Variants in GATAD2A observed in about 807,000 individuals in gnomAD.
GATAD2A encodes the protein transcriptional repressor p66-alpha.
GATAD2A carries 12 observed loss-of-function variants against 68.5 expected under a neutral mutation model. That is an observed-to-expected ratio of 0.18 (90% CI 0.11 to 0.28). The LOEUF (loss-of-function observed/expected upper bound fraction) is 0.28. Ranked by LOEUF, GATAD2A falls within the 10% of genes least tolerant of loss-of-function variation. The pLI, the probability that GATAD2A is intolerant of heterozygous loss-of-function variation, is 1.00. For synonymous variants in GATAD2A, 410 were observed against 375.3 expected (o/e 1.09, Z -1.07); for missense variants, 755 against 868.5 (o/e 0.87, Z 1.64).
chr19:19,409,858 C>T (rs987785714), intron 1 of GATAD2A, among the ~76,000 whole-genome samples: 2 of 152,244 alleles, frequency 1.3e-5, no homozygotes, highest in East Asian at 1.9e-4. Context: ...GGCTTCTTGC[C>T]CCTCCCCCAC....
intron 2 of GATAD2A, among the ~76,000 whole-genome samples, chr19:19,467,557 AT>A (rs2057970808): frequency 6.6e-6 from 1 of 152,118 alleles, no homozygotes; most frequent in African/African-American, 2.4e-5. Flanking sequence ...GCATTGTGAG[AT>A]TTACCCATAT....
chr19:19,400,748 G>C (rs1297606958), upstream of GATAD2A, among the ~76,000 whole-genome samples: 4 of 151,878 alleles, frequency 2.6e-5, no homozygotes, highest in Admixed American at 2.6e-4. Context: ...ATGGATTTGG[G>C]GTGAAATAAG....
At chr19:19,396,982 A>G (rs933595949) in intron 1 of GATAD2A, among the ~76,000 whole-genome samples, 13 of 152,188 alleles carry the variant, frequency 8.5e-5, no homozygotes, top group Admixed American at 2.6e-4. Context: ...GTGGGATTAC[A>G]GGCGTGAGCC....
chr19:19,475,545 C>T (rs1424927250), intron 2 of GATAD2A, among the ~76,000 whole-genome samples: 1 of 151,588 alleles, frequency 6.6e-6, no homozygotes, highest in Non-Finnish European at 1.5e-5. Flanking sequence ...TGCTGCCTTT[C>T]ACTTGCTAAT....
At chr19:19,432,623 G>A (rs186961225) in intron 1 of GATAD2A, among the ~76,000 whole-genome samples, 23 of 152,322 alleles carry the variant, frequency 1.5e-4, no homozygotes, top group Non-Finnish European at 1.8e-4. Context: ...TTTAAAGGTC[G>A]TTTTCAATTC....
At chr19:19,437,812 C>G (rs546213852) in intron 1 of GATAD2A, among the ~76,000 whole-genome samples, 1 of 152,286 alleles carries the variant, frequency 6.6e-6, no homozygotes, top group South Asian at 2.1e-4. Context: ...TTTTGTTTAT[C>G]CATTCATTCA....
intron 2 of GATAD2A, among the ~76,000 whole-genome samples, chr19:19,475,289 G>A (rs964574179): frequency 3.9e-5 from 6 of 152,232 alleles, no homozygotes; most frequent in African/African-American, 1.4e-4. Context: ...CATGGTTTGT[G>A]GCCCTCACAC....
chr19:19,496,031 CT>C lies in GATAD2A; in HGVS notation c.757-20del, dbSNP rs1363449089. On this transcript the variant is annotated intron_variant, in intron 6 of 11. Transcript: ENST00000683918. ...GTTGATCTCAGTCAGATTTCTTGTT[CT>C]CCCCACCCTACCCCAACAGCAAATC... is the stretch of plus-strand genomic sequence containing the variant. The C allele has an allele frequency of 2.5e-6, 4 of 1,610,028 alleles. No individual in the cohort carries two copies. Among genetic ancestry groups the C allele is most frequent in the Non-Finnish European group, 3.4e-6 (4 of 1,176,938 alleles).
chr19:19,504,761 A>G (rs550253806), intron 11 of GATAD2A, among the ~76,000 whole-genome samples: 143 of 149,004 alleles, frequency 9.6e-4, no homozygotes, highest in Non-Finnish European at 1.8e-3. Flanking sequence ...CAATCCTCCC[A>G]CCTCAGCCTC....
intron 1 of GATAD2A, among the ~76,000 whole-genome samples, chr19:19,410,843 C>G (rs1390105073): frequency 6.6e-6 from 1 of 152,172 alleles, no homozygotes; most frequent in Non-Finnish European, 1.5e-5. Context: ...AACATCACCC[C>G]TGTTTCCCAT....
rs771688876 is a variant in GATAD2A, at chr19:19,505,327, G to A, written c.1775-17G>A. 5.6e-6 allele frequency: 9 copies of A among 1,611,622 alleles called. No homozygotes were observed. The highest frequency in any genetic ancestry group is 2.2e-5 in the East Asian group (1 of 44,706). ...CTGACGAGGGCCTTCTCAGCTGGTCGCTCTGTTCTGTTGCAGGCGGGACCC... is the reference window on the plus strand; with the variant it reads ...CTGACGAGGGCCTTCTCAGCTGGTCACTCTGTTCTGTTGCAGGCGGGACCC... On this transcript the variant is annotated splice_polypyrimidine_tract_variant and intron_variant, in intron 11 of 11. Transcript: ENST00000683918.
intron 1 of GATAD2A, among the ~76,000 whole-genome samples, chr19:19,421,446 T>C (rs971891536): frequency 1.3e-5 from 2 of 152,174 alleles, no homozygotes; most frequent in African/African-American, 2.4e-5. Context: ...TTGGGTTGTC[T>C]AGGCAGCGCT....
intron 2 of GATAD2A, among the ~76,000 whole-genome samples, chr19:19,470,897 A>G (rs1047157712): frequency 1.3e-5 from 2 of 152,228 alleles, no homozygotes; most frequent in African/African-American, 2.4e-5. Context: ...AATTTATCCA[A>G]GAGAAATGAA....
intron 1 of GATAD2A, among the ~76,000 whole-genome samples, chr19:19,410,789 G>A (rs1296002802): frequency 6.6e-6 from 1 of 152,146 alleles, no homozygotes; most frequent in African/African-American, 2.4e-5. Flanking sequence ...AAGACAGCCT[G>A]GTGTGAGCTC....
At chr19:19,419,808 G>C (rs556509822) in intron 1 of GATAD2A, among the ~76,000 whole-genome samples, 1 of 152,006 alleles carries the variant, frequency 6.6e-6, no homozygotes, top group South Asian at 2.1e-4. Context: ...TCACCGCCCT[G>C]GATGATGCCT....
intron 1 of GATAD2A, among the ~76,000 whole-genome samples, chr19:19,438,017 C>T (rs1382232568): frequency 6.6e-6 from 1 of 152,174 alleles, no homozygotes; most frequent in Non-Finnish European, 1.5e-5. Flanking sequence ...ATCCATGGCG[C>T]CTGCACTATT....
intron 2 of GATAD2A, among the ~76,000 whole-genome samples, chr19:19,485,601 A>G (rs2059380014): frequency 6.6e-6 from 1 of 152,192 alleles, no homozygotes. Flanking sequence ...CAGAAGCTGC[A>G]AGGCTTCTGT....
At chr19:19,459,638 C>G (rs562856400) in intron 1 of GATAD2A, among the ~76,000 whole-genome samples, 1 of 152,320 alleles carries the variant, frequency 6.6e-6, no homozygotes, top group African/African-American at 2.4e-5. Context: ...ATAATTTAAG[C>G]TGCATGGACA....
intron 1 of GATAD2A, among the ~76,000 whole-genome samples, chr19:19,430,976 G>GGTGT (rs71170687): frequency 0.1 from 14,095 of 136,540 alleles, 722 homozygotes; most frequent in East Asian, 0.14. Flanking sequence ...GTATGGTAGG[G>GGTGT]GTGTGTGTGT....
Sources: gnomAD v4.1 joint callset for allele counts (sites outside exome capture counted in the v4.1 genomes callset) on GRCh38, gnomAD v4.1.1 for gene constraint, MANE v1.5 for transcripts, NCBI Gene and HGNC (gene_info 2026-07-23, HGNC 2026-07-21) for gene names.